STRADB: variants seen among roughly 807,000 people sequenced by gnomAD.
The protein encoded by STRADB is STE20 related adaptor beta, also known as STE20-related kinase adapter protein beta.
Under a neutral mutation model 52.1 loss-of-function variants are expected in STRADB, and 34 were observed. The observed-to-expected ratio is 0.65, with a 90% CI of 0.50 to 0.87. The LOEUF (loss-of-function observed/expected upper bound fraction) is 0.87, where lower values mean the gene tolerates loss of function less well. STRADB is among the 40% of genes least tolerant of loss of function. The pLI, the probability that STRADB is intolerant of heterozygous loss-of-function variation, is 0.00. For missense variants in STRADB, 340 were observed against 483.9 expected, an observed-to-expected ratio of 0.70 and a Z score of 2.79; for synonymous variants, 133 against 174.5, an observed-to-expected ratio of 0.76 and a Z score of 1.87.
In STRADB at chr2:201,472,949, T is replaced by A; in HGVS notation, c.194-6T>A. ...TTACTAACATGAGTTTTATGTCTGA[T>A]TACAGGAAGAGGATTTGACAACTTG... On this transcript the variant is annotated splice_polypyrimidine_tract_variant and splice_region_variant and intron_variant, in intron 4 of 11. Coordinates refer to ENST00000194530, the MANE Select transcript of STRADB (RefSeq NM_018571.6). 6.3e-7 allele frequency: 1 copy of A among 1,596,592 alleles called. No individual in the cohort carries two copies. The highest frequency in any genetic ancestry group is 1.4e-5 in the African/African-American group (1 of 74,050).
At position 201,470,006 on chromosome 2, in the gene STRADB, A is replaced by T; in HGVS notation, c.147A>T (p.Val49=). ...GTCCATCCACTAGAGCCAGTGAAGT[A>T]CTATGTTCCACCAACGTTTCTCACT... The part of the protein sequence containing the change: ...WSRPSTRASE[V]LCSTNVSHYE... The change falls in exon 4 of 12, where the codon GTA becomes GTT. Residue 49 remains valine (V), a synonymous_variant. Transcript: ENST00000194530. 1 of 1,614,108 alleles carries T rather than the reference A, an allele frequency of 6.2e-7. No individual in the cohort carries two copies. The highest frequency in any genetic ancestry group is 1.7e-4 in the Middle Eastern group (1 of 6,038).
intron 7 of STRADB, among the ~76,000 whole-genome samples, chr2:201,476,375 T>A (rs1229076733): frequency 1.3e-5 from 2 of 150,224 alleles, no homozygotes; most frequent in African/African-American, 4.9e-5. Flanking sequence ...TTTTTTTTTT[T>A]AGCAAAATTC....
intron 7 of STRADB, among the ~76,000 whole-genome samples, 186 bp downstream of exon 7, chr2:201,475,928 G>A (rs754960216): frequency 4.6e-5 from 7 of 152,142 alleles, no homozygotes; most frequent in Non-Finnish European, 5.9e-5. Context: ...CGCCAAACAT[G>A]TTCAGACCAC....
At chr2:201,477,875 G>T in intron 8 of STRADB, 85 bp downstream of exon 8, 4 of 1,513,306 alleles carry the variant, frequency 2.6e-6, no homozygotes, top group Non-Finnish European at 3.6e-6. Flanking sequence ...TTTATATTTG[G>T]ATTGGTGAAT....
intron 3 of STRADB, among the ~76,000 whole-genome samples, chr2:201,461,230 C>T (rs1341998085): frequency 1.3e-5 from 2 of 152,170 alleles, no homozygotes; most frequent in Admixed American, 6.5e-5. Context: ...TGCTTTGCCA[C>T]CCAGCTGCAC....
chr2:201,479,513 C>T lies in STRADB; in HGVS notation c.1095C>T (p.Ser365=). Residue 365 remains serine (S), a synonymous_variant, in exon 11 of 12, where the codon TCC becomes TCT. Coordinates refer to ENST00000194530, the MANE Select transcript of STRADB (RefSeq NM_018571.6). ...GGCCATCAGCAAGCAGTTTATTGTC[C>T]CATGTTTTCTTCAAACAGGTGAGCT... is the stretch of plus-strand genomic sequence containing the variant. ...EKRPSASSLL[S]HVFFKQMKEE... is the part of the protein sequence containing the mutation. The T allele has an allele frequency of 6.2e-7, 1 of 1,602,474 alleles. No homozygotes were observed. The highest frequency in any genetic ancestry group is 8.5e-7 in the Non-Finnish European group (1 of 1,177,398).
chr2:201,456,308 A>G (rs1952126731), intron 2 of STRADB, among the ~76,000 whole-genome samples: 1 of 152,224 alleles, frequency 6.6e-6, no homozygotes, highest in South Asian at 2.1e-4. Context: ...TTTTATATCA[A>G]TTTTTAAGTT....
At chr2:201,478,329 T>C in intron 9 of STRADB, 28 bp from the exon 10 acceptor site, 1 of 1,610,034 alleles carries the variant, frequency 6.2e-7, no homozygotes. Flanking sequence ...GCCTGAAAAG[T>C]GTTGAAGGAA....
chr2:201,464,955 T>C (rs1395223228), intron 3 of STRADB, among the ~76,000 whole-genome samples: 10 of 152,094 alleles, frequency 6.6e-5, no homozygotes, highest in Admixed American at 6.5e-4. Flanking sequence ...CAGCTTGTGG[T>C]GAATATTGCC....
At chr2:201,470,540 A>G (rs969084216) in intron 4 of STRADB, among the ~76,000 whole-genome samples, 1 of 152,246 alleles carries the variant, frequency 6.6e-6, no homozygotes, top group Non-Finnish European at 1.5e-5. Context: ...AATATTTAGA[A>G]ACATCTATTA....
At chr2:201,471,953 G>A (rs1051020594) in intron 4 of STRADB, among the ~76,000 whole-genome samples, 1 of 152,200 alleles carries the variant, frequency 6.6e-6, no homozygotes, top group African/African-American at 2.4e-5. Context: ...TGCTGACACT[G>A]AGGGGAGGAG....
Position 201,479,541 on chromosome 2 carries a change from T to G in STRADB, c.1113+10T>G. 2 of 1,599,460 alleles carry G rather than the reference T, an allele frequency of 1.3e-6. No individual in the cohort carries two copies. Among genetic ancestry groups the G allele is most frequent in the Non-Finnish European group, 1.7e-6 (2 of 1,176,692 alleles). On this transcript the variant is annotated intron_variant, in intron 11 of 11. Coordinates refer to ENST00000194530, the MANE Select transcript of STRADB (RefSeq NM_018571.6). ...TGTTTTCTTCAAACAGGTGAGCTGA[T>G]CTATCATCCGTTGTCTCGATGTTTT...
Position 201,480,123 on chromosome 2 carries a change from C to G in STRADB, c.1205C>G (p.Thr402Ser). Residue 402 changes from threonine (T) to serine (S), a missense_variant, in exon 12 of 12, where the codon ACT becomes AGT. Physicochemically the swap from Thr to Ser is moderately conservative, Grantham distance 58 (BLOSUM62 1). Transcript: ENST00000194530. ...SISLPPVLPW[T>S]EPECDFPDEK... ...TCATTGCCTCCAGTGTTACCTTGGA[C>G]TGAGCCAGAATGTGATTTTCCTGAT... 6.2e-7 allele frequency: 1 copy of G among 1,613,880 alleles called. No individual in the cohort carries two copies. Among genetic ancestry groups the G allele is most frequent in the Non-Finnish European group, 8.5e-7 (1 of 1,179,804 alleles).
chr2:201,475,839 G>T (rs1045418313), intron 7 of STRADB, 97 bp downstream of exon 7: 1 of 1,333,862 alleles, frequency 7.5e-7, no homozygotes, highest in African/African-American at 1.5e-5. Flanking sequence ...TAGAAAAAAG[G>T]GATAGGAAAC....
rs76001620 is a variant in STRADB, at chr2:201,470,618, C to T, written c.193+566C>T. Among the ~76,000 whole-genome samples, 464 of 152,306 alleles carry T rather than the reference C, an allele frequency of 3.0e-3. 5 individuals are homozygous for T. Among genetic ancestry groups the T allele is most frequent in the African/African-American group, 0.01 (420 of 41,570 alleles). On this transcript the variant is annotated intron_variant, in intron 4 of 11. Transcript: ENST00000194530. ...AGCATGGTAGAACACTTGGAATTGA[C>T]ATCATCTCTGGGAAGATGAAGACAC...
chr2:201,479,692 T>C (rs1952539831), intron 11 of STRADB, among the ~76,000 whole-genome samples, 161 bp downstream of exon 11: 1 of 152,240 alleles, frequency 6.6e-6, no homozygotes. Flanking sequence ...AGTTCAATTA[T>C]AGACTTTCTA....
At chr2:201,468,405 A>T (rs1191412213) in intron 3 of STRADB, among the ~76,000 whole-genome samples, 1 of 152,124 alleles carries the variant, frequency 6.6e-6, no homozygotes, top group Non-Finnish European at 1.5e-5. Flanking sequence ...AACAGCATCA[A>T]GCTTGCCCCT....
At chr2:201,476,822 A>C (rs1031594508) in intron 7 of STRADB, among the ~76,000 whole-genome samples, 2 of 145,516 alleles carry the variant, frequency 1.4e-5, no homozygotes, top group African/African-American at 5.0e-5. Flanking sequence ...TAAAAATACA[A>C]AAAAAAAAAA....
chr2:201,462,430 C>T (rs1036964992), intron 3 of STRADB, among the ~76,000 whole-genome samples: 1 of 152,054 alleles, frequency 6.6e-6, no homozygotes, highest in Non-Finnish European at 1.5e-5. Context: ...GACTTAACTG[C>T]TGGCTTTTGT....
Sources: gnomAD v4.1 joint callset for allele counts (sites outside exome capture counted in the v4.1 genomes callset) on GRCh38, gnomAD v4.1.1 for gene constraint, MANE v1.5 for transcripts, NCBI Gene and HGNC (gene_info 2026-07-23, HGNC 2026-07-21) for gene names.